The following PTPRT variants were observed in gnomAD, a reference collection of about 807,000 sequenced individuals.
PTPRT encodes receptor-type tyrosine-protein phosphatase T.
Under a neutral mutation model 176.8 loss-of-function variants are expected in PTPRT, and 56 were observed. The observed-to-expected ratio is 0.32, with a 90% CI of 0.26 to 0.40. The LOEUF is 0.40. Ranked by LOEUF, PTPRT falls within the 10% of genes least tolerant of loss-of-function variation. The probability of loss-of-function intolerance (pLI) is 1.00; values close to 1 mark genes in which losing one functional copy is unlikely to be tolerated. For synonymous variants in PTPRT, 783 were observed against 739.0 expected (o/e 1.06, Z -0.96); for missense variants, 1,540 against 1,908.2 (o/e 0.81, Z 3.60).
At chr20:42,895,246 A>T (rs926499896) in intron 1 of PTPRT, among the ~76,000 whole-genome samples, 1 of 152,156 alleles carries the variant, frequency 6.6e-6, no homozygotes, top group Admixed American at 6.5e-5. Flanking sequence ...GGGCAGGGTC[A>T]GGTGAGGGCT....
At chr20:42,834,563 CATTTACAGTGG>C (rs1228426169) in intron 2 of PTPRT, among the ~76,000 whole-genome samples, 1 of 152,148 alleles carries the variant, frequency 6.6e-6, no homozygotes, top group Non-Finnish European at 1.5e-5. Flanking sequence ...GGTATGCTGA[CATTTACAGTGG>C]ATTTATTCAT....
intron 1 of PTPRT, among the ~76,000 whole-genome samples, chr20:42,909,326 T>A (rs1020339316): frequency 7.2e-5 from 11 of 152,262 alleles, no homozygotes; most frequent in South Asian, 4.1e-4. Flanking sequence ...CCCTGCATAC[T>A]CCAAAACTGC....
At chr20:42,386,455 C>T (rs1272558674) in intron 9 of PTPRT, among the ~76,000 whole-genome samples, 1 of 152,084 alleles carries the variant, frequency 6.6e-6, no homozygotes, top group Non-Finnish European at 1.5e-5. Flanking sequence ...GGCTGGCTCT[C>T]AAATTTTTAG....
intron 2 of PTPRT, among the ~76,000 whole-genome samples, chr20:42,814,207 G>A (rs1490195552): frequency 1.3e-5 from 2 of 152,036 alleles, no homozygotes; most frequent in Non-Finnish European, 2.9e-5. Context: ...TTTAAAACTT[G>A]CATTTGATAG....
intron 1 of PTPRT, among the ~76,000 whole-genome samples, chr20:42,967,455 G>A (rs1982364091): frequency 6.6e-6 from 1 of 152,048 alleles, no homozygotes; most frequent in Admixed American, 6.6e-5. Flanking sequence ...AGAGGGCAAT[G>A]ATGCGGCCAC....
intron 23 of PTPRT, 86 bp from the exon 24 acceptor site, chr20:42,107,007 A>G (rs906922160): frequency 1.5e-5 from 22 of 1,512,540 alleles, no homozygotes; most frequent in African/African-American, 2.8e-5. Flanking sequence ...CCTATCCCCA[A>G]GGGTCCTGCT....
In PTPRT at chr20:42,346,662, A is replaced by T. The variant is rs570065797; in HGVS notation, c.1865+3966T>A. On this transcript the variant is annotated intron_variant, in intron 11 of 30. Transcript: ENST00000373187. ...TCACATCTCGCCCCCCTGCACACTC[A>T]GTTCTACCAGATAGAGTCAGATCCA... Among the ~76,000 whole-genome samples the T allele has an allele frequency of 4.6e-5, 7 of 152,286 alleles. No homozygotes were observed. The South Asian group carries it at 1.5e-3, about 32-fold the overall frequency.
chr20:42,476,201 T>C (rs2071285937), intron 7 of PTPRT, among the ~76,000 whole-genome samples: 1 of 152,188 alleles, frequency 6.6e-6, no homozygotes, highest in Admixed American at 6.5e-5. Context: ...AGAAATGCCT[T>C]TGGAAGCTTG....
chr20:42,437,084 A>T (rs1185054624), intron 9 of PTPRT, among the ~76,000 whole-genome samples: 1 of 152,222 alleles, frequency 6.6e-6, no homozygotes, highest in Non-Finnish European at 1.5e-5. Context: ...GGGGAGACGT[A>T]AGTGAGTAGA....
intron 6 of PTPRT, among the ~76,000 whole-genome samples, chr20:42,724,992 C>T (rs189558818): frequency 6.7e-6 from 1 of 148,866 alleles, no homozygotes; most frequent in South Asian, 2.1e-4. Flanking sequence ...TTCTTGACAG[C>T]AGGATGTGGA....
At chr20:42,192,304 A>G (rs990825656) in intron 16 of PTPRT, among the ~76,000 whole-genome samples, 15 of 151,962 alleles carry the variant, frequency 9.9e-5, no homozygotes, top group African/African-American at 2.7e-4. Context: ...GTTTACCACC[A>G]CCCCAGCCAG....
chr20:42,336,960 T>C (rs993251035), intron 11 of PTPRT, among the ~76,000 whole-genome samples: 1 of 152,188 alleles, frequency 6.6e-6, no homozygotes, highest in East Asian at 1.9e-4. Flanking sequence ...CAACTTTCTG[T>C]GGCCTCCAGA....
At chr20:42,982,204 T>TAA (rs1983323221) in intron 1 of PTPRT, among the ~76,000 whole-genome samples, 1 of 152,154 alleles carries the variant, frequency 6.6e-6, no homozygotes, top group Non-Finnish European at 1.5e-5. Context: ...TGCCTACACT[T>TAA]ACCACCAAAT....
In PTPRT at chr20:42,332,208, AC is replaced by A. The variant is rs1316906030; in HGVS notation, c.1866-16213del. ...GTACTATGATTTCTTCAAGAAAAAAACATTTTTTTTCTTGTTTTTGAGATGG... is the reference window on the plus strand; with the variant it reads ...GTACTATGATTTCTTCAAGAAAAAAAATTTTTTTTCTTGTTTTTGAGATGG... On this transcript the variant is annotated intron_variant, in intron 11 of 30. Transcript: ENST00000373187. Among the ~76,000 whole-genome samples the A allele has an allele frequency of 5.9e-5, 9 of 151,978 alleles. 1 individual carries two copies. Among genetic ancestry groups the A allele is most frequent in the South Asian group, 4.2e-4 (2 of 4,814 alleles).
At chr20:43,137,609 C>T (rs2013873150) in intron 1 of PTPRT, among the ~76,000 whole-genome samples, 1 of 152,192 alleles carries the variant, frequency 6.6e-6, no homozygotes, top group Non-Finnish European at 1.5e-5. Flanking sequence ...AGGAGGCCGG[C>T]TCCACAGGGG....
intron 7 of PTPRT, among the ~76,000 whole-genome samples, chr20:42,530,161 G>T (rs1438648797): frequency 6.6e-6 from 1 of 152,206 alleles, no homozygotes; most frequent in African/African-American, 2.4e-5. Context: ...GGCCGATGAG[G>T]TAGTTTCCAC....
chr20:43,172,313 C>A (rs1482022450), intron 1 of PTPRT, among the ~76,000 whole-genome samples: 1 of 152,196 alleles, frequency 6.6e-6, no homozygotes, highest in East Asian at 1.9e-4. Context: ...CTATAAAATG[C>A]AGGTCAAATA....
intron 3 of PTPRT, among the ~76,000 whole-genome samples, chr20:42,786,571 C>T (rs2077293644): frequency 6.6e-6 from 1 of 152,160 alleles, no homozygotes; most frequent in South Asian, 2.1e-4. Flanking sequence ...TCATGCCTCT[C>T]ATAGGGTGTG....
chr20:42,993,200 C>T (rs1984019984), intron 1 of PTPRT, among the ~76,000 whole-genome samples: 1 of 151,792 alleles, frequency 6.6e-6, no homozygotes, highest in South Asian at 2.1e-4. Flanking sequence ...GGGTGGATCA[C>T]ACGGTCAAGA....
Sources: allele counts gnomAD v4.1 joint callset (sites outside exome capture counted in the v4.1 genomes callset), GRCh38; gene constraint gnomAD v4.1.1; transcripts MANE v1.5; gene names NCBI Gene and HGNC (gene_info 2026-07-23, HGNC 2026-07-21).